HFM1: variants seen among roughly 807,000 people sequenced by gnomAD.
HFM1 encodes helicase for meiosis 1.
HFM1 carries 169 observed loss-of-function variants against 192.1 expected under a neutral mutation model. That is an observed-to-expected ratio of 0.88 (90% CI 0.78 to 1.00). The LOEUF is 1.00. Among genes scored for constraint, HFM1 ranks in the 50% least tolerant of loss-of-function variants. The pLI, the probability that HFM1 is intolerant of heterozygous loss-of-function variation, is 0.00. For synonymous variants in HFM1, 525 were observed against 537.8 expected, an observed-to-expected ratio of 0.98 and a Z score of 0.33; for missense variants, 1,661 against 1,668.0, an observed-to-expected ratio of 1.00 and a Z score of 0.07.
chr1:91,287,628 A>G (rs1314199772), intron 30 of HFM1, among the ~76,000 whole-genome samples: 1 of 152,234 alleles, frequency 6.6e-6, no homozygotes, highest in Non-Finnish European at 1.5e-5. Flanking sequence ...AAAGGAACGC[A>G]GTTCCTCACC....
rs72970365 is a variant in HFM1, at chr1:91,388,073, A to G, written c.495-2239T>C. 2.3e-3 allele frequency among the ~76,000 whole-genome samples: 354 copies of G among 152,172 alleles called. 1 individual carries two copies. Among genetic ancestry groups the G allele is most frequent in the African/African-American group, 8.0e-3 (333 of 41,516 alleles). ...TGCTGACAGAGTGTCATGCTCAGAG[A>G]AGTTATGGGAACTCTGCACCCCCTC... On this transcript the variant is annotated intron_variant, in intron 4 of 38. Coordinates refer to ENST00000370425, the MANE Select transcript of HFM1 (RefSeq NM_001017975.6).
intron 20 of HFM1, chr1:91,338,991 C>T (rs753082916): frequency 1.1e-5 from 5 of 455,780 alleles, no homozygotes; most frequent in South Asian, 7.7e-5. Flanking sequence ...GAGCATGCAG[C>T]CCAGGAGCAC....
intron 17 of HFM1, 26 bp downstream of exon 17, chr1:91,351,523 C>A: frequency 4.2e-6 from 5 of 1,190,538 alleles, no homozygotes; most frequent in Non-Finnish European, 6.1e-6. Context: ...GCATTAGTAT[C>A]TTTTTGGAAC....
At chr1:91,373,410 A>C (rs1660499844) in intron 13 of HFM1, among the ~76,000 whole-genome samples, 1 of 152,124 alleles carries the variant, frequency 6.6e-6, no homozygotes, top group African/African-American at 2.4e-5. Flanking sequence ...AGTTATTAAC[A>C]ATAATAATAA....
At chr1:91,288,366 C>CTTTTTTTTT (rs35536576) in intron 30 of HFM1, among the ~76,000 whole-genome samples, 2 of 134,328 alleles carry the variant, frequency 1.5e-5, no homozygotes, top group Non-Finnish European at 3.2e-5. Flanking sequence ...ATTCAACATT[C>CTTTTTTTTT]TTTTTTTTTT....
At position 91,397,821 on chromosome 1, in the gene HFM1, C is replaced by T. The variant is rs185164142; in HGVS notation, c.72-1416G>A. On this transcript the variant is annotated intron_variant, in intron 2 of 38. Transcript: ENST00000370425. Reference sequence around the variant, plus strand: ...AAGAGTCTTCTCCCAGCAGACTCTGCGGGAGGCACTTAATTATCTGAGTAA... The same window carrying T: ...AAGAGTCTTCTCCCAGCAGACTCTGTGGGAGGCACTTAATTATCTGAGTAA... Among the ~76,000 whole-genome samples the T allele has an allele frequency of 2.9e-4, 44 of 152,232 alleles. 1 individual carries two copies. The highest frequency in any genetic ancestry group is 5.1e-4 in the Non-Finnish European group (35 of 68,016).
chr1:91,336,314 A>C (rs1570996559), intron 20 of HFM1, among the ~76,000 whole-genome samples: 1 of 133,118 alleles, frequency 7.5e-6, no homozygotes, highest in African/African-American at 2.9e-5. Flanking sequence ...CCTCCATCCC[A>C]TCCTTCCTTC....
At chr1:91,372,003 G>T (rs1326149708) in intron 13 of HFM1, among the ~76,000 whole-genome samples, 1 of 152,130 alleles carries the variant, frequency 6.6e-6, no homozygotes, top group Non-Finnish European at 1.5e-5. Flanking sequence ...ATCATCACTG[G>T]CCATCAGAGA....
At chr1:91,347,117 AAG>A (rs1206290316) in intron 19 of HFM1, among the ~76,000 whole-genome samples, 1 of 152,230 alleles carries the variant, frequency 6.6e-6, no homozygotes, top group Non-Finnish European at 1.5e-5. Flanking sequence ...TTTTAAAAAA[AAG>A]AAAAAATACA....
At chr1:91,273,659 C>T in intron 34 of HFM1, 53 bp downstream of exon 34, 1 of 911,810 alleles carries the variant, frequency 1.1e-6, no homozygotes, top group Middle Eastern at 2.3e-4. Context: ...CTCGTCAATT[C>T]AAAGTAATAA....
chr1:91,390,451 GAGAA>G lies in HFM1; in HGVS notation c.494+3638_494+3641del, dbSNP rs1271307600. Among the ~76,000 whole-genome samples, 332 of 148,704 alleles carry G rather than the reference GAGAA, an allele frequency of 2.2e-3. 1 individual carries two copies. The highest frequency in any genetic ancestry group is 7.7e-3 in the African/African-American group (312 of 40,644). ...ACTCCCAAAGAAAAAAAAAAAAAGAGAGAAAGAAAGGAAGGAAGGAAGGAAGGAG... is the reference window on the plus strand; with the variant it reads ...ACTCCCAAAGAAAAAAAAAAAAAGAGAGAAAGGAAGGAAGGAAGGAAGGAG... On this transcript the variant is annotated intron_variant, in intron 4 of 38. Coordinates refer to ENST00000370425, the MANE Select transcript of HFM1 (RefSeq NM_001017975.6).
chr1:91,288,999 G>C (rs553362590), intron 30 of HFM1, among the ~76,000 whole-genome samples: 1 of 150,344 alleles, frequency 6.7e-6, no homozygotes, highest in African/African-American at 2.4e-5. Flanking sequence ...CTGGTCAGGT[G>C]GGGGCTACCC....
intron 1 of HFM1, among the ~76,000 whole-genome samples, chr1:91,403,056 G>GA (rs34531433): frequency 1 from 152,010 of 152,190 alleles, 75,915 homozygotes; most frequent in East Asian, 1. Context: ...ATACTCCTGT[G>GA]AAAAAACACC....
chr1:91,373,417 ATAAGT>A (rs1276086185), intron 13 of HFM1, among the ~76,000 whole-genome samples: 3 of 152,148 alleles, frequency 2.0e-5, no homozygotes. Context: ...AACAATAATA[ATAAGT>A]TAATGTTCAT....
At chr1:91,400,731 G>T (rs1226614020) in intron 2 of HFM1, among the ~76,000 whole-genome samples, 1 of 152,038 alleles carries the variant, frequency 6.6e-6, no homozygotes, top group South Asian at 2.1e-4. Flanking sequence ...TGATTCACCC[G>T]CCTCAGCCTT....
intron 28 of HFM1, 81 bp downstream of exon 28, chr1:91,315,734 T>G: frequency 1.0e-6 from 1 of 983,500 alleles, no homozygotes; most frequent in South Asian, 2.0e-5. Flanking sequence ...ACAATGATCT[T>G]GTTATTTTTT....
intron 4 of HFM1, among the ~76,000 whole-genome samples, chr1:91,389,879 A>C (rs1197727214): frequency 1.3e-5 from 2 of 152,180 alleles, no homozygotes. Flanking sequence ...TGGGACTATA[A>C]AGTGACGCAG....
chr1:91,339,576 A>G (rs538346891), intron 20 of HFM1, among the ~76,000 whole-genome samples: 6 of 152,154 alleles, frequency 3.9e-5, no homozygotes, highest in Non-Finnish European at 7.3e-5. Context: ...TTTCAAGTCT[A>G]CTCAGTCAGA....
chr1:91,263,816 T>C (rs1487434284), intron 36 of HFM1, among the ~76,000 whole-genome samples: 4 of 152,182 alleles, frequency 2.6e-5, no homozygotes, highest in African/African-American at 9.7e-5. Flanking sequence ...CACCAGGTTC[T>C]CAGAGGCTTC....
Sources: gnomAD v4.1 joint callset for allele counts (sites outside exome capture counted in the v4.1 genomes callset) on GRCh38, gnomAD v4.1.1 for gene constraint, MANE v1.5 for transcripts, NCBI Gene and HGNC (gene_info 2026-07-23, HGNC 2026-07-21) for gene names.